PTPN12: variants seen among roughly 807,000 people sequenced by gnomAD.
PTPN12 encodes protein tyrosine phosphatase non-receptor type 12, also known as tyrosine-protein phosphatase non-receptor type 12.
A neutral mutation model predicts 97.6 loss-of-function variants in PTPN12; 29 were observed. The observed-to-expected ratio is 0.30, with a 90% CI of 0.22 to 0.41. PTPN12 has a LOEUF of 0.41. PTPN12 is among the 10% of genes least tolerant of loss of function. The probability of loss-of-function intolerance (pLI) is 1.00; values close to 1 mark genes in which losing one functional copy is unlikely to be tolerated. For synonymous variants in PTPN12, 327 were observed against 300.4 expected (o/e 1.09, Z -0.91); for missense variants, 819 against 926.0 (o/e 0.88, Z 1.50).
rs1806710264 is a variant in PTPN12 at position 77,537,512 on chromosome 7, G to A, written c.-35G>A. On this transcript the variant is annotated 5_prime_UTR_variant, in exon 1 of 18. Transcript: ENST00000248594. ...CTGTGCCGGGCGGGCGGGCGGCGGGGGGGCCAGCGACCGCAGCCGGGGGGA... is the reference window on the plus strand; with the variant it reads ...CTGTGCCGGGCGGGCGGGCGGCGGGAGGGCCAGCGACCGCAGCCGGGGGGA... 1 of 1,560,502 alleles carries A rather than the reference G, an allele frequency of 6.4e-7. No individual in the cohort carries two copies. The highest frequency in any genetic ancestry group is 8.7e-7 in the Non-Finnish European group (1 of 1,154,978).
At chr7:77,593,695 T>G (rs1394039806) in intron 6 of PTPN12, among the ~76,000 whole-genome samples, 2 of 152,256 alleles carry the variant, frequency 1.3e-5, no homozygotes, top group Middle Eastern at 3.2e-3. Context: ...CAGTTTGCTT[T>G]ACTCAGAGAC....
intron 1 of PTPN12, among the ~76,000 whole-genome samples, chr7:77,555,520 T>C (rs957022807): frequency 3.3e-5 from 5 of 152,200 alleles, no homozygotes; most frequent in Admixed American, 1.3e-4. Context: ...TTTATTGAGA[T>C]ATCCTCAAGT....
chr7:77,552,972 GA>G (rs1562707215), intron 1 of PTPN12, among the ~76,000 whole-genome samples: 1 of 152,184 alleles, frequency 6.6e-6, no homozygotes. Flanking sequence ...AAATAAATAG[GA>G]GGGGAAAAAG....
intron 1 of PTPN12, chr7:77,538,808 C>G (rs985472729): frequency 6.6e-6 from 1 of 151,840 alleles, no homozygotes; most frequent in Non-Finnish European, 1.5e-5. Context: ...GCTGCTGCTC[C>G]TACGGATATT....
At chr7:77,605,945 CTTTTTTTTTTTTT>C (rs10648385) in intron 8 of PTPN12, among the ~76,000 whole-genome samples, 28 of 51,918 alleles carry the variant, frequency 5.4e-4, no homozygotes, top group African/African-American at 1.7e-3. Flanking sequence ...CAAGAGCCAT[CTTTTTTTTTTTTT>C]TTTTTTTTTT....
intron 14 of PTPN12, among the ~76,000 whole-genome samples, chr7:77,635,485 C>G (rs1034311256): frequency 1.3e-5 from 2 of 152,166 alleles, no homozygotes; most frequent in African/African-American, 4.8e-5. Context: ...GTCACGTTGT[C>G]TGTAGATTAA....
chr7:77,596,219 G>T (rs1256545418), intron 6 of PTPN12, among the ~76,000 whole-genome samples: 1 of 151,900 alleles, frequency 6.6e-6, no homozygotes, highest in Admixed American at 6.6e-5. Context: ...AAAGCAAATT[G>T]ATGTTTTTTT....
At chr7:77,603,390 AAAAT>A (rs1788249070) in intron 8 of PTPN12, among the ~76,000 whole-genome samples, 1 of 152,374 alleles carries the variant, frequency 6.6e-6, no homozygotes, top group South Asian at 2.1e-4. Context: ...TAAAAGCAAG[AAAAT>A]TCTTTTGCTT....
At chr7:77,552,848 A>T (rs1157726459) in intron 1 of PTPN12, among the ~76,000 whole-genome samples, 1 of 152,212 alleles carries the variant, frequency 6.6e-6, no homozygotes, top group Non-Finnish European at 1.5e-5. Context: ...TCTCAATCTT[A>T]GCTTCTTTAT....
intron 4 of PTPN12, chr7:77,585,023 C>A (rs1787644195): frequency 6.6e-6 from 1 of 151,996 alleles, no homozygotes; most frequent in South Asian, 2.1e-4. Flanking sequence ...TGTGATAAAA[C>A]ATGGTGAAAT....
intron 9 of PTPN12, 127 bp from the exon 10 acceptor site, chr7:77,610,638 T>C: frequency 1.0e-6 from 1 of 961,726 alleles, no homozygotes; most frequent in South Asian, 1.6e-5. Context: ...TGAGATGCAT[T>C]AAGTGGTGTT....
chr7:77,638,763 T>C (rs769552107), intron 17 of PTPN12, 32 bp downstream of exon 17: 1 of 1,576,652 alleles, frequency 6.3e-7, no homozygotes, highest in East Asian at 2.3e-5. Flanking sequence ...TTTTAGTAAG[T>C]AGTTAACACT....
chr7:77,539,319 A>G (rs1806835451), intron 1 of PTPN12, among the ~76,000 whole-genome samples: 1 of 152,196 alleles, frequency 6.6e-6, no homozygotes, highest in Non-Finnish European at 1.5e-5. Flanking sequence ...ATATAAGTTA[A>G]ATAATCTAAC....
intron 12 of PTPN12, among the ~76,000 whole-genome samples, chr7:77,623,918 AT>A (rs1789035464): frequency 6.6e-6 from 1 of 152,098 alleles, no homozygotes; most frequent in Non-Finnish European, 1.5e-5. Context: ...GTCTGCAATT[AT>A]TTTTGTTTTA....
chr7:77,625,811 C>A (rs906098188), intron 12 of PTPN12, among the ~76,000 whole-genome samples: 1 of 151,726 alleles, frequency 6.6e-6, no homozygotes, highest in Non-Finnish European at 1.5e-5. Context: ...CTCAATTGAT[C>A]CACCCACCTT....
At chr7:77,537,704 C>G in intron 1 of PTPN12, 59 bp downstream of exon 1, 1 of 1,515,334 alleles carries the variant, frequency 6.6e-7, no homozygotes, top group Non-Finnish European at 8.9e-7. Context: ...ATCGCCGCCT[C>G]TCCCGGCCGG....
chr7:77,632,327 A>G, intron 13 of PTPN12, 21 bp from the exon 14 acceptor site: 2 of 1,535,558 alleles, frequency 1.3e-6, no homozygotes, highest in Non-Finnish European at 1.8e-6. Context: ...ATTTGTCTAA[A>G]TTTTTATGTG....
chr7:77,566,978 A>G (rs766328073), intron 1 of PTPN12, among the ~76,000 whole-genome samples: 1 of 151,958 alleles, frequency 6.6e-6, no homozygotes, highest in Non-Finnish European at 1.5e-5. Flanking sequence ...TGCTATTCTC[A>G]TACAGTCTAT....
At chr7:77,610,901 A>T in intron 10 of PTPN12, 47 bp from the exon 11 acceptor site, 1 of 1,583,740 alleles carries the variant, frequency 6.3e-7, no homozygotes, top group East Asian at 2.2e-5. Context: ...CTTCTTTTTT[A>T]AAATGTTGTT....
Sources: gnomAD v4.1 joint callset for allele counts (sites outside exome capture counted in the v4.1 genomes callset) on GRCh38, gnomAD v4.1.1 for gene constraint, MANE v1.5 for transcripts, NCBI Gene and HGNC (gene_info 2026-07-23, HGNC 2026-07-21) for gene names.